The following PTPN21 variants were observed in gnomAD, a reference collection of about 807,000 sequenced individuals.
The protein encoded by PTPN21 is tyrosine-protein phosphatase non-receptor type 21.
PTPN21 carries 77 observed loss-of-function variants against 131.8 expected under a neutral mutation model. The ratio of observed to expected loss-of-function variants is 0.58; its 90% CI spans 0.49 to 0.71. The LOEUF is 0.71. PTPN21 is among the 30% of genes least tolerant of loss of function. The pLI, the probability that PTPN21 is intolerant of heterozygous loss-of-function variation, is 0.00. For synonymous variants in PTPN21, 715 were observed against 621.3 expected, an observed-to-expected ratio of 1.15 and a Z score of -2.24; for missense variants, 1,552 against 1,527.1, an observed-to-expected ratio of 1.02 and a Z score of -0.27.
chr14:88,538,950 A>G (rs563519571), intron 2 of PTPN21, among the ~76,000 whole-genome samples: 1 of 152,218 alleles, frequency 6.6e-6, no homozygotes, highest in Non-Finnish European at 1.5e-5. Flanking sequence ...AAGTAATACG[A>G]GATCTTCTTA....
At chr14:88,541,312 T>G (rs956772894) in intron 2 of PTPN21, among the ~76,000 whole-genome samples, 6 of 152,190 alleles carry the variant, frequency 3.9e-5, no homozygotes, top group Non-Finnish European at 1.5e-5. Context: ...GAAATCTAAG[T>G]GACATTTGTT....
intron 2 of PTPN21, among the ~76,000 whole-genome samples, chr14:88,548,053 T>A (rs1264062375): frequency 1.3e-5 from 2 of 152,124 alleles, no homozygotes; most frequent in African/African-American, 4.8e-5. Context: ...AGCCCCACCA[T>A]CTACTGAAAA....
At position 88,498,687 on chromosome 14, in the gene PTPN21, G is replaced by A. The variant is rs200326488; in HGVS notation, c.765-1397C>T. ...GGTATTAAAATAAGGCACAAAAGTG[G>A]GGGAGGTGTGCTCTGAAAAGCTTCA... On this transcript the variant is annotated intron_variant, in intron 8 of 18. Coordinates refer to ENST00000556564, the MANE Select transcript of PTPN21 (RefSeq NM_007039.4). Among the ~76,000 whole-genome samples the A allele has an allele frequency of 7.2e-5, 11 of 152,258 alleles. No homozygotes were observed. The East Asian group carries it at 1.7e-3, about 24-fold the overall frequency.
At chr14:88,524,367 G>C (rs1334806931) in intron 2 of PTPN21, among the ~76,000 whole-genome samples, 1 of 152,080 alleles carries the variant, frequency 6.6e-6, no homozygotes. Context: ...ACCAGTTAGT[G>C]GGGAAAAGAA....
At chr14:88,474,536 A>G (rs1389452366) in intron 13 of PTPN21, among the ~76,000 whole-genome samples, 1 of 152,178 alleles carries the variant, frequency 6.6e-6, no homozygotes, top group Non-Finnish European at 1.5e-5. Flanking sequence ...CTGAAAAATT[A>G]AATGGTTTCT....
intron 8 of PTPN21, among the ~76,000 whole-genome samples, chr14:88,498,310 A>C (rs1019631261): frequency 6.6e-6 from 1 of 151,830 alleles, no homozygotes; most frequent in Admixed American, 6.6e-5. Flanking sequence ...AAAAAAAAAA[A>C]CAGTGGTTTT....
rs766320564 is a variant in PTPN21 at position 88,479,473 on chromosome 14, T to C, written c.1958A>G (p.Lys653Arg). 3 of 1,602,168 alleles carry C rather than the reference T, an allele frequency of 1.9e-6. No individual in the cohort carries two copies. The highest frequency in any genetic ancestry group is 2.5e-6 in the Non-Finnish European group (3 of 1,179,074). Residue 653 changes from lysine to arginine, a missense_variant, in exon 13 of 19, where the codon AAG (lysine) becomes AGG (arginine). Transcript: ENST00000556564. ...CGCCGACGCGGATAGGGTGCGCTCC[T>C]TGAGCCGCAGGCCCTCCAGGCCGTG... The part of the protein sequence containing the change: ...LSHGLEGLRL[K>R]ERTLSASAAE...
At chr14:88,471,922 G>GA (rs11456515) in intron 15 of PTPN21, among the ~76,000 whole-genome samples, 35,545 of 141,830 alleles carry the variant, frequency 0.25, 4,274 homozygotes, top group East Asian at 0.32. Context: ...AAAGGCAAAA[G>GA]AAAAAAAAAA....
rs1408570017 is a variant in PTPN21, at chr14:88,554,933, G to A, written c.-485C>T. Among the ~76,000 whole-genome samples, 3 of 151,654 alleles carry A rather than the reference G, an allele frequency of 2.0e-5. No individual in the cohort carries two copies. Among genetic ancestry groups the A allele is most frequent in the African/African-American group, 7.2e-5 (3 of 41,400 alleles). On this transcript the variant is annotated 5_prime_UTR_variant, in exon 1 of 19. Coordinates refer to ENST00000556564, the MANE Select transcript of PTPN21 (RefSeq NM_007039.4). ...AAGAAGCCCCGTGGGGGCGGGGGGTGGCAGGAGGACGGACAGACCGTCGGA... is the reference window on the plus strand; with the variant it reads ...AAGAAGCCCCGTGGGGGCGGGGGGTAGCAGGAGGACGGACAGACCGTCGGA...
chr14:88,547,714 T>C, intron 2 of PTPN21: 1 of 453,592 alleles, frequency 2.2e-6, no homozygotes, highest in Non-Finnish European at 4.4e-6. Flanking sequence ...TCTGGTTTTC[T>C]TTCTTCTTCT....
intron 12 of PTPN21, among the ~76,000 whole-genome samples, chr14:88,482,843 T>C (rs2077672240): frequency 6.6e-6 from 1 of 151,470 alleles, no homozygotes; most frequent in East Asian, 2.0e-4. Flanking sequence ...AGAGGGCCGC[T>C]TTAACAGAGT....
In PTPN21 at chr14:88,475,091, C is replaced by CA. The variant is rs911194797; in HGVS notation, c.2512-1290dup. Among the ~76,000 whole-genome samples the CA allele has an allele frequency of 4.8e-3, 672 of 139,742 alleles. 4 individuals carry two copies. Among genetic ancestry groups the CA allele is most frequent in the African/African-American group, 0.011 (410 of 38,124 alleles). 91.7% of individuals were successfully genotyped at this position (139,742 alleles called of 152,430 possible). ...TGGAGGCAGAGTGAGACTCCGTCTC[C>CA]AAAAAAAAAAAGAACACTAAGTTTC... On this transcript the variant is annotated intron_variant, in intron 13 of 18. Transcript: ENST00000556564.
chr14:88,554,141 C>G (rs765055), intron 1 of PTPN21, among the ~76,000 whole-genome samples: 7 of 152,184 alleles, frequency 4.6e-5, no homozygotes, highest in African/African-American at 1.7e-4. Flanking sequence ...AAGGCTTTCT[C>G]AGCAAAAAAG....
intron 1 of PTPN21, chr14:88,551,402 A>G (rs919294049): frequency 1.3e-5 from 2 of 152,320 alleles, no homozygotes; most frequent in East Asian, 1.9e-4. Context: ...AAACCCAAGA[A>G]GCCCACGGGG....
rs1451042131 is a variant in PTPN21, at chr14:88,496,465, A to G, written c.880T>C (p.Trp294Arg). The G allele has an allele frequency of 1.9e-6, 3 of 1,613,980 alleles. No homozygotes were observed. In the Admixed American group the frequency reaches 5.0e-5, roughly 27 times the overall value. The part of the protein sequence containing the change: ...TEDMETAKYI[W>R]RLCVARHKFY... ...TTGTGTCGCGCAACACAGAGTCTCC[A>G]AATGTATTTTGCTGTTTCCATGTCT... The change falls in exon 10 of 19, where the codon TGG becomes CGG. Residue 294 changes from tryptophan (W) to arginine (R), a missense_variant. Trp to Arg is a moderately radical substitution (Grantham distance 101). This residue lies in a region of PTPN21 where 1,016 missense variants were observed against 883.5 expected (regional missense o/e 1.15). Transcript: ENST00000556564.
intron 2 of PTPN21, among the ~76,000 whole-genome samples, chr14:88,530,804 C>CA (rs1008585759): frequency 6.6e-6 from 1 of 151,524 alleles, no homozygotes; most frequent in African/African-American, 2.4e-5. Flanking sequence ...ACTACTAGAC[C>CA]AAAAAAATGA....
intron 2 of PTPN21, among the ~76,000 whole-genome samples, chr14:88,538,866 G>C (rs1482469799): frequency 1.3e-5 from 2 of 152,106 alleles, no homozygotes; most frequent in Admixed American, 1.3e-4. Flanking sequence ...CTCATATACA[G>C]GATTTTTGTG....
chr14:88,474,110 C>T (rs558813488), intron 13 of PTPN21, among the ~76,000 whole-genome samples: 11 of 65,486 alleles, frequency 1.7e-4, no homozygotes, highest in African/African-American at 6.3e-4. Context: ...ACAAGACAGA[C>T]GTAACAAATC....
At chr14:88,502,171 C>T (rs1036474666) in intron 6 of PTPN21, among the ~76,000 whole-genome samples, 1 of 152,110 alleles carries the variant, frequency 6.6e-6, no homozygotes, top group South Asian at 2.1e-4. Context: ...AGACTTGCAT[C>T]TCCAGCCTCA....
Sources: gnomAD v4.1 joint callset for allele counts (sites outside exome capture counted in the v4.1 genomes callset) on GRCh38, gnomAD v4.1.1 for gene constraint, gnomAD v4.1.1 regional missense constraint, MANE v1.5 for transcripts, NCBI Gene and HGNC (gene_info 2026-07-23, HGNC 2026-07-21) for gene names.